ARHGAP32: variants seen among roughly 807,000 people sequenced by gnomAD.
ARHGAP32 encodes the protein Rho GTPase activating protein 32, also known as rho GTPase-activating protein 32.
ARHGAP32 carries 51 observed loss-of-function variants against 186.5 expected under a neutral mutation model. The ratio of observed to expected loss-of-function variants is 0.27; its 90% confidence interval spans 0.22 to 0.35. The LOEUF (loss-of-function observed/expected upper bound fraction) is 0.35. Among genes scored for constraint, ARHGAP32 ranks in the 10% least tolerant of loss-of-function variants. ARHGAP32 has a pLI of 1.00. For missense variants in ARHGAP32, 2,186 were observed against 2,623.5 expected (o/e 0.83, Z 3.64); for synonymous variants, 950 against 964.3 (o/e 0.99, Z 0.27).
intron 11 of ARHGAP32, among the ~76,000 whole-genome samples, chr11:129,018,776 TG>T (rs1306040561): frequency 6.6e-6 from 1 of 152,162 alleles, no homozygotes; most frequent in East Asian, 1.9e-4. Context: ...TGTAGGTAGT[TG>T]GGCAAGATTT....
upstream of ARHGAP32, among the ~76,000 whole-genome samples, chr11:129,194,553 T>C (rs1944365338): frequency 6.6e-6 from 1 of 152,074 alleles, no homozygotes; most frequent in Non-Finnish European, 1.5e-5. Flanking sequence ...AATGAGGAGT[T>C]AGGAGAAACA....
At chr11:129,112,205 T>C (rs997090744) in intron 5 of ARHGAP32, among the ~76,000 whole-genome samples, 1 of 151,836 alleles carries the variant, frequency 6.6e-6, no homozygotes, top group East Asian at 1.9e-4. Context: ...ATTGCACCAC[T>C]GTACTCCAGC....
intron 5 of ARHGAP32, among the ~76,000 whole-genome samples, chr11:129,104,886 C>T (rs1242593489): frequency 6.6e-6 from 1 of 152,128 alleles, no homozygotes; most frequent in Non-Finnish European, 1.5e-5. Flanking sequence ...AATAGGAAAG[C>T]TTTGTGGCAT....
chr11:129,049,976 G>C (rs1236701745), intron 10 of ARHGAP32, among the ~76,000 whole-genome samples: 1 of 152,180 alleles, frequency 6.6e-6, no homozygotes, highest in Non-Finnish European at 1.5e-5. Context: ...TGTGCTGTGG[G>C]AACTTAATTC....
rs781637467 is a variant in ARHGAP32, at chr11:128,971,032, G to C, written c.4181C>G (p.Pro1394Arg). 2.2e-5 allele frequency: 36 copies of C among 1,613,856 alleles called. No homozygotes were observed. Among genetic ancestry groups the C allele is most frequent in the Non-Finnish European group, 3.0e-5 (35 of 1,180,046 alleles). The change falls in exon 23 of 23, where the codon CCA (proline) becomes CGA (arginine). Residue 1394 changes from proline (P) to arginine (R), a missense_variant. Coordinates refer to ENST00000682385, the MANE Select transcript of ARHGAP32 (RefSeq NM_001378024.1). ...AQCPMATAVQPGLPEKVRDGA... is the reference protein window; with the variant it reads ...AQCPMATAVQRGLPEKVRDGA... Reference sequence around the variant, plus strand: ...GTCCCGCACTTTCTCAGGCAGGCCTGGCTGGACAGCTGTAGCCATGGGACA... The same window carrying C: ...GTCCCGCACTTTCTCAGGCAGGCCTCGCTGGACAGCTGTAGCCATGGGACA...
At chr11:129,017,306 T>C (rs1938395992) in intron 11 of ARHGAP32, among the ~76,000 whole-genome samples, 1 of 151,870 alleles carries the variant, frequency 6.6e-6, no homozygotes, top group Non-Finnish European at 1.5e-5. Flanking sequence ...ATACAAAAAT[T>C]AGCCGGGTGT....
At chr11:128,982,234 A>C (rs1945723646) in intron 15 of ARHGAP32, among the ~76,000 whole-genome samples, 1 of 152,216 alleles carries the variant, frequency 6.6e-6, no homozygotes, top group African/African-American at 2.4e-5. Flanking sequence ...GTAATGTCTC[A>C]AAAGCCTTAA....
At chr11:128,983,991 C>T (rs1185002609) in intron 15 of ARHGAP32, among the ~76,000 whole-genome samples, 1 of 151,130 alleles carries the variant, frequency 6.6e-6, no homozygotes, top group Admixed American at 6.6e-5. Flanking sequence ...TTTAGATTTC[C>T]AGAATTTCAC....
chr11:129,173,485 C>A (rs942502521), intron 1 of ARHGAP32, among the ~76,000 whole-genome samples: 1 of 152,182 alleles, frequency 6.6e-6, no homozygotes. Context: ...CAGCATCATC[C>A]TGATACCAAA....
At chr11:129,027,661 C>T (rs777041920) in intron 11 of ARHGAP32, among the ~76,000 whole-genome samples, 1 of 152,176 alleles carries the variant, frequency 6.6e-6, no homozygotes, top group Non-Finnish European at 1.5e-5. Flanking sequence ...TTCTAATGAG[C>T]CATTCCCGGA....
intron 5 of ARHGAP32, among the ~76,000 whole-genome samples, chr11:129,117,244 T>C (rs992051509): frequency 3.3e-5 from 5 of 152,002 alleles, no homozygotes; most frequent in African/African-American, 1.2e-4. Context: ...GTTTAAGAAC[T>C]TGAGTAAGTT....
rs144064678 is a variant in ARHGAP32 at position 129,033,211 on chromosome 11, A to C, written c.1045+7717T>G. ...CCCATAAGTTTTGCCAGTTTTTAAC[A>C]AATGGAAATAAAGCTGTTATCAACA... On this transcript the variant is annotated intron_variant, in intron 11 of 22. Coordinates refer to ENST00000682385, the MANE Select transcript of ARHGAP32 (RefSeq NM_001378024.1). Among the ~76,000 whole-genome samples, 26 of 152,352 alleles carry C rather than the reference A, an allele frequency of 1.7e-4. No individual in the cohort carries two copies. The East Asian group carries it at 2.7e-3, about 16-fold the overall frequency.
At chr11:129,005,525 T>C (rs1937716272) in intron 11 of ARHGAP32, among the ~76,000 whole-genome samples, 1 of 152,240 alleles carries the variant, frequency 6.6e-6, no homozygotes, top group Non-Finnish European at 1.5e-5. Context: ...CCAGATATAC[T>C]ACTCTAGGGC....
At chr11:129,137,822 G>A (rs539109047) in intron 2 of ARHGAP32, among the ~76,000 whole-genome samples, 1 of 151,984 alleles carries the variant, frequency 6.6e-6, no homozygotes, top group Admixed American at 6.6e-5. Context: ...ACAGCATATA[G>A]TGTTTTATGA....
At chr11:129,201,745 C>T (rs1007566937) in intron 1 of ARHGAP32, among the ~76,000 whole-genome samples, 1 of 152,040 alleles carries the variant, frequency 6.6e-6, no homozygotes, top group African/African-American at 2.4e-5. Flanking sequence ...CTTTGGGAGG[C>T]CAAGGCAGGA....
At chr11:129,043,385 T>C (rs962792651) in intron 10 of ARHGAP32, among the ~76,000 whole-genome samples, 36 of 145,092 alleles carry the variant, frequency 2.5e-4, no homozygotes, top group South Asian at 4.4e-4. Context: ...TTTTTTCTTT[T>C]TTTTTTTTTT....
intron 6 of ARHGAP32, among the ~76,000 whole-genome samples, chr11:129,086,406 T>A (rs1697248860): frequency 6.6e-6 from 1 of 152,164 alleles, no homozygotes; most frequent in Admixed American, 6.5e-5. Flanking sequence ...ACAAAAGGCA[T>A]GATCCATGAA....
chr11:129,156,727 C>T (rs773282623), intron 2 of ARHGAP32, among the ~76,000 whole-genome samples: 10 of 152,196 alleles, frequency 6.6e-5, no homozygotes, highest in East Asian at 5.8e-4. Context: ...TGGAGCTCTG[C>T]TAAGGGACAG....
At chr11:129,210,864 T>C (rs1168653571) in intron 1 of ARHGAP32, among the ~76,000 whole-genome samples, 1 of 152,208 alleles carries the variant, frequency 6.6e-6, no homozygotes, top group East Asian at 1.9e-4. Context: ...TCCCACACTT[T>C]TTGGCCGTGT....
Sources: allele counts gnomAD v4.1 joint callset (sites outside exome capture counted in the v4.1 genomes callset), GRCh38; gene constraint gnomAD v4.1.1; transcripts MANE v1.5; gene names NCBI Gene and HGNC (gene_info 2026-07-23, HGNC 2026-07-21).